CTPS2: variants seen among roughly 807,000 people sequenced by gnomAD.
CTPS2 encodes CTP synthase II.
A neutral mutation model predicts 46.8 loss-of-function variants in CTPS2; 19 were observed. The observed-to-expected ratio is 0.41, with a 90% confidence interval of 0.28 to 0.60. CTPS2 has a LOEUF of 0.60. Ranked by LOEUF, CTPS2 falls within the 20% of genes least tolerant of loss-of-function variation. The probability of loss-of-function intolerance (pLI) is 0.35; values close to 1 mark genes in which losing one functional copy is unlikely to be tolerated. For synonymous variants in CTPS2, 151 were observed against 165.2 expected (o/e 0.91, Z 0.66); for missense variants, 286 against 447.6 (o/e 0.64, Z 3.26).
intron 1 of CTPS2, among the ~76,000 whole-genome samples, chrX:16,707,437 G>A (rs1244765427): frequency 8.9e-6 from 1 of 112,132 alleles, no homozygotes; most frequent in Non-Finnish European, 1.9e-5. Flanking sequence ...TTGGAAGGCT[G>A]AGGTGGGAGG....
At chrX:16,599,476 C>CTTTTTTTTTTTTTTTTTTTTTTTTTT (rs56794396) in intron 17 of CTPS2, among the ~76,000 whole-genome samples, 2 of 86,211 alleles carry the variant, frequency 2.3e-5, no homozygotes, top group Non-Finnish European at 4.5e-5. Context: ...TCTTTTTTTT[C>CTTTTTTTTTTTTTTTTTTTTTTTTTT]TTTTTTTTTT....
intron 17 of CTPS2, among the ~76,000 whole-genome samples, chrX:16,597,594 T>C (rs940546021): frequency 1.2e-4 from 14 of 112,150 alleles, no homozygotes; most frequent in Admixed American, 9.4e-4. Context: ...TTGGTTACTG[T>C]AGCCTTGCAG....
chrX:16,695,389 T>C (rs1395014253), intron 4 of CTPS2, among the ~76,000 whole-genome samples: 3 of 111,542 alleles, frequency 2.7e-5, no homozygotes, highest in African/African-American at 9.8e-5. Flanking sequence ...ACTACTGGAA[T>C]AGTTTGAAGT....
chrX:16,646,071 T>C (rs1033542929), intron 13 of CTPS2, among the ~76,000 whole-genome samples: 1 of 112,996 alleles, frequency 8.8e-6, no homozygotes, highest in African/African-American at 3.2e-5. Context: ...AAGGCCTATA[T>C]CATTTTCATC....
intron 17 of CTPS2, among the ~76,000 whole-genome samples, chrX:16,592,824 A>G (rs1388623982): frequency 8.9e-6 from 1 of 112,090 alleles, no homozygotes; most frequent in East Asian, 2.8e-4. Flanking sequence ...TTTCAAAATT[A>G]GAAATATATG....
At chrX:16,630,823 G>A (rs912874210) in intron 14 of CTPS2, among the ~76,000 whole-genome samples, 3 of 112,631 alleles carry the variant, frequency 2.7e-5, no homozygotes, top group Non-Finnish European at 3.7e-5. Flanking sequence ...TTCATGCCAC[G>A]TGAAAATGAT....
At chrX:16,692,281 A>C (rs993669633) in intron 6 of CTPS2, among the ~76,000 whole-genome samples, 68 of 106,109 alleles carry the variant, frequency 6.4e-4, no homozygotes, top group African/African-American at 1.7e-3. Context: ...TGTCTCTACA[A>C]ACACACACAC....
intron 14 of CTPS2, 157 bp downstream of exon 14, chrX:16,638,990 G>T: frequency 1.8e-6 from 1 of 552,878 alleles, no homozygotes; most frequent in Non-Finnish European, 3.3e-6. Flanking sequence ...AGAGCAGAGG[G>T]TCAGTGAGGG....
chrX:16,590,725 G>T, intron 18 of CTPS2, 27 bp downstream of exon 18: 1 of 840,499 alleles, frequency 1.2e-6, no homozygotes, highest in East Asian at 3.1e-5. Flanking sequence ...TGAGAGAAAT[G>T]AACAATCCTC....
At chrX:16,686,359 A>G (rs1386270920) in intron 8 of CTPS2, among the ~76,000 whole-genome samples, 1 of 111,684 alleles carries the variant, frequency 9.0e-6, no homozygotes, top group Admixed American at 9.6e-5. Flanking sequence ...ATATACACCT[A>G]CTATGTACCC....
chrX:16,677,407 C>T (rs996187531), intron 10 of CTPS2, among the ~76,000 whole-genome samples: 1 of 111,347 alleles, frequency 9.0e-6, no homozygotes, highest in African/African-American at 3.3e-5. Context: ...CTTCTCTACC[C>T]CAAATACAAG....
intron 13 of CTPS2, among the ~76,000 whole-genome samples, chrX:16,645,433 G>T (rs1217489856): frequency 9.0e-6 from 1 of 110,950 alleles, no homozygotes; most frequent in African/African-American, 3.3e-5. Flanking sequence ...CAGCAGACGG[G>T]AAGGGAGGGG....
chrX:16,687,381 A>T (rs1250541136), intron 8 of CTPS2, among the ~76,000 whole-genome samples: 1 of 103,952 alleles, frequency 9.6e-6, no homozygotes, highest in Non-Finnish European at 2.0e-5. Context: ...ACGCTGAGGC[A>T]GGAGGATCGC....
Position 16,590,877 on chromosome X carries a change from G to A in CTPS2, c.1692-15C>T. The A allele has an allele frequency of 8.8e-7, 1 of 1,135,105 alleles. No individual in the cohort carries two copies. Among genetic ancestry groups the A allele is most frequent in the Non-Finnish European group, 1.2e-6 (1 of 835,390 alleles). The allele number at this position is 1,135,105 out of a possible 1,213,427, so 93.5% of individuals were successfully genotyped here. ...TGTATCTATCACTAGATTAAAAGAG[G>A]AACTAATTTAGCAAGGTATAAAAAA... is the stretch of plus-strand genomic sequence containing the variant. On this transcript the variant is annotated splice_polypyrimidine_tract_variant and intron_variant, in intron 17 of 18. Transcript: ENST00000359276.
At chrX:16,643,344 G>T (rs758826972) in intron 13 of CTPS2, among the ~76,000 whole-genome samples, 1 of 111,371 alleles carries the variant, frequency 9.0e-6, no homozygotes, top group African/African-American at 3.3e-5. Flanking sequence ...CAGACTCTTA[G>T]GCAACATACA....
At chrX:16,616,956 AAGTGCTGGGAT>A (rs1174751102) in intron 16 of CTPS2, among the ~76,000 whole-genome samples, 183 bp downstream of exon 16, 12 of 111,731 alleles carry the variant, frequency 1.1e-4, no homozygotes, top group Non-Finnish European at 2.3e-4. Flanking sequence ...CAGCCTCCCA[AAGTGCTGGGAT>A]TACAGGCGTG....
At chrX:16,666,096 T>C (rs754422758) in intron 13 of CTPS2, among the ~76,000 whole-genome samples, 1 of 112,293 alleles carries the variant, frequency 8.9e-6, no homozygotes, top group Non-Finnish European at 1.9e-5. Context: ...ATATGAATTG[T>C]ATCTCAATAA....
At chrX:16,614,366 C>G (rs73448262) in intron 16 of CTPS2, among the ~76,000 whole-genome samples, 2,848 of 111,936 alleles carry the variant, frequency 0.025, 101 homozygotes, top group African/African-American at 0.087. Context: ...AATTGGGAGA[C>G]CATGTAAATT....
chrX:16,650,940 C>T, intron 13 of CTPS2: 1 of 1,045,084 alleles, frequency 9.6e-7, no homozygotes, highest in Non-Finnish European at 1.3e-6. Context: ...GCAGACAACC[C>T]TCAGCACAAA....
Sources: allele counts gnomAD v4.1 joint callset (sites outside exome capture counted in the v4.1 genomes callset), GRCh38; gene constraint gnomAD v4.1.1; transcripts MANE v1.5; gene names NCBI Gene and HGNC (gene_info 2026-07-23, HGNC 2026-07-21).